Variants in KANSL1 observed in about 807,000 individuals in gnomAD.
KANSL1 encodes the protein KAT8 regulatory NSL complex subunit 1.
KANSL1 carries 22 observed loss-of-function variants against 103.6 expected under a neutral mutation model. The ratio of observed to expected loss-of-function variants is 0.21; its 90% CI spans 0.15 to 0.30. The LOEUF is 0.30. Among genes scored for constraint, KANSL1 ranks in the 10% least tolerant of loss-of-function variants. KANSL1 has a pLI of 1.00. For missense variants in KANSL1, 1,337 were observed against 1,399.8 expected, an observed-to-expected ratio of 0.96 and a Z score of 0.72; for synonymous variants, 600 against 527.6, an observed-to-expected ratio of 1.14 and a Z score of -1.88.
intron 1 of KANSL1, among the ~76,000 whole-genome samples, chr17:46,178,416 T>A (rs1383920319): frequency 2.6e-5 from 4 of 152,368 alleles, no homozygotes; most frequent in African/African-American, 9.6e-5. Context: ...CCGGTGGGGA[T>A]AAAGTCAGAC....
At chr17:46,144,305 T>C (rs2044583244) in intron 2 of KANSL1, among the ~76,000 whole-genome samples, 1 of 152,236 alleles carries the variant, frequency 6.6e-6, no homozygotes, top group African/African-American at 2.4e-5. Flanking sequence ...TGAACGCTAA[T>C]TTAAAATAGA....
intron 2 of KANSL1, among the ~76,000 whole-genome samples, chr17:46,105,943 ACACACCCCC>A (rs2042539784): frequency 2.6e-4 from 18 of 69,436 alleles, no homozygotes; most frequent in Non-Finnish European, 5.4e-4. Context: ...ACACACACAC[ACACACCCCC>A]CCAGAAGGGT....
chr17:46,158,655 CT>C (rs1451880120), intron 2 of KANSL1, among the ~76,000 whole-genome samples: 1 of 152,216 alleles, frequency 6.6e-6, no homozygotes, highest in African/African-American at 2.4e-5. Flanking sequence ...ATTCTCCTGC[CT>C]CAGCGTCCCG....
At chr17:46,135,561 T>TTTTTTTTTTA (rs1165041626) in intron 2 of KANSL1, among the ~76,000 whole-genome samples, 1 of 126,202 alleles carries the variant, frequency 7.9e-6, no homozygotes, top group Non-Finnish European at 1.7e-5. Context: ...TTTTTTTTTT[T>TTTTTTTTTTA]GAGACAGAGT....
chr17:46,164,423 G>C (rs1249212901), intron 2 of KANSL1, among the ~76,000 whole-genome samples: 6 of 152,252 alleles, frequency 3.9e-5, no homozygotes, highest in Non-Finnish European at 7.3e-5. Flanking sequence ...TTGACGTCAT[G>C]TGCAGATTAG....
At chr17:46,090,221 A>G (rs1274718701) in intron 3 of KANSL1, among the ~76,000 whole-genome samples, 1 of 152,218 alleles carries the variant, frequency 6.6e-6, no homozygotes. Context: ...AGCTGGAAAA[A>G]GACAAGGAAG....
At chr17:46,041,390 G>A (rs1248731834) in intron 7 of KANSL1, 7 of 152,064 alleles carry the variant, frequency 4.6e-5, no homozygotes, top group Non-Finnish European at 7.4e-5. Flanking sequence ...CATGGATAGC[G>A]GTGTGAGTCT....
intron 2 of KANSL1, among the ~76,000 whole-genome samples, chr17:46,164,113 T>C (rs1023870396): frequency 1.3e-5 from 2 of 152,194 alleles, no homozygotes; most frequent in African/African-American, 4.8e-5. Context: ...CTTATTCATC[T>C]GTTATCTCTT....
intron 14 of KANSL1, 45 bp from the exon 15 acceptor site, chr17:46,031,748 C>T (rs746830012): frequency 6.7e-7 from 1 of 1,502,414 alleles, no homozygotes; most frequent in South Asian, 1.2e-5. Context: ...TCCCAGCCAG[C>T]CTGCTTCCTG....
intron 4 of KANSL1, among the ~76,000 whole-genome samples, chr17:46,073,805 T>C (rs1469057104): frequency 6.6e-6 from 1 of 151,856 alleles, no homozygotes; most frequent in Non-Finnish European, 1.5e-5. Flanking sequence ...GTTAACATAC[T>C]GTACAAAAAT....
At chr17:46,098,845 C>T (rs2042187846) in intron 2 of KANSL1, among the ~76,000 whole-genome samples, 1 of 152,186 alleles carries the variant, frequency 6.6e-6, no homozygotes, top group South Asian at 2.1e-4. Context: ...ACTCAAGCGT[C>T]CAAGAAGTAT....
chr17:46,158,628 C>T (rs1383744154), intron 2 of KANSL1, among the ~76,000 whole-genome samples: 1 of 152,240 alleles, frequency 6.6e-6, no homozygotes, highest in African/African-American at 2.4e-5. Flanking sequence ...GTAACCTCCA[C>T]CACCTGGGTT....
Position 46,171,124 on chromosome 17 carries a change from T to C in KANSL1, c.1020A>G (p.Pro340=), listed in dbSNP as rs1374127270. 1 of 1,614,214 alleles carries C rather than the reference T, an allele frequency of 6.2e-7. No individual in the cohort carries two copies. The highest frequency in any genetic ancestry group is 1.7e-5 in the Admixed American group (1 of 60,018). ...SKLPNLESLR[P]RSQLMLTRKA... ...TTCGAGTCAGCATCAACTGGCTCCG[T>C]GGTCTCAAGGATTCCAAGTTTGGCA... Residue 340 remains proline (P), a synonymous_variant, in exon 2 of 15, where the codon CCA becomes CCG. Coordinates refer to ENST00000432791, the MANE Select transcript of KANSL1 (RefSeq NM_015443.4).
At chr17:46,130,348 G>A (rs551139812) in intron 2 of KANSL1, among the ~76,000 whole-genome samples, 2 of 152,262 alleles carry the variant, frequency 1.3e-5, no homozygotes, top group Non-Finnish European at 2.9e-5. Context: ...AGCCCAAGTT[G>A]AGAATCACCA....
chr17:46,058,269 G>C lies in KANSL1; in HGVS notation c.1849-7565C>G, dbSNP rs571472580. 1.2e-3 allele frequency among the ~76,000 whole-genome samples: 181 copies of C among 152,320 alleles called. 1 individual carries two copies. Among genetic ancestry groups the C allele is most frequent in the Non-Finnish European group, 2.2e-3 (152 of 68,038 alleles). Reference sequence around the variant, plus strand: ...AAGAGCAACTAGGCAGCTGTGAGCTGAAATGGTTTCCACAGCTAACACAAG... The same window carrying C: ...AAGAGCAACTAGGCAGCTGTGAGCTCAAATGGTTTCCACAGCTAACACAAG... On this transcript the variant is annotated intron_variant, in intron 6 of 14. Transcript: ENST00000432791.
intron 1 of KANSL1, among the ~76,000 whole-genome samples, chr17:46,191,897 C>T (rs968678428): frequency 2.0e-5 from 3 of 150,592 alleles, no homozygotes; most frequent in African/African-American, 7.3e-5. Flanking sequence ...TCTGCCGACC[C>T]TAGGAGCACT....
chr17:46,125,431 T>C (rs971048436), intron 2 of KANSL1, among the ~76,000 whole-genome samples: 3 of 152,222 alleles, frequency 2.0e-5, no homozygotes, highest in South Asian at 2.1e-4. Flanking sequence ...TTTATTGCAG[T>C]ACTGTGGTCA....
intron 2 of KANSL1, among the ~76,000 whole-genome samples, chr17:46,145,171 G>C (rs1014046722): frequency 6.6e-6 from 1 of 152,224 alleles, no homozygotes; most frequent in Non-Finnish European, 1.5e-5. Context: ...AAAAGCCACG[G>C]AGACTAGTTT....
intron 1 of KANSL1, among the ~76,000 whole-genome samples, chr17:46,207,830 G>A (rs1343956415): frequency 6.6e-6 from 1 of 152,086 alleles, no homozygotes; most frequent in Non-Finnish European, 1.5e-5. Context: ...ATACAAAAAG[G>A]CCAGGTACAG....
Sources: gnomAD v4.1 joint callset for allele counts (sites outside exome capture counted in the v4.1 genomes callset) on GRCh38, gnomAD v4.1.1 for gene constraint, MANE v1.5 for transcripts, NCBI Gene and HGNC (gene_info 2026-07-23, HGNC 2026-07-21) for gene names.